Variants in GNAS observed in about 807,000 individuals in gnomAD.
The protein encoded by GNAS is GNAS complex locus.
Under a neutral mutation model 54.5 loss-of-function variants are expected in GNAS, and 8 were observed. That is an observed-to-expected ratio of 0.15 (90% confidence interval 0.09 to 0.26). The LOEUF (loss-of-function observed/expected upper bound fraction) is 0.26. Ranked by LOEUF, GNAS falls within the 10% of genes least tolerant of loss-of-function variation. The pLI is 1.00. For missense variants in GNAS, 170 were observed against 529.8 expected (o/e 0.32, Z 6.67); for synonymous variants, 204 against 191.4 (o/e 1.07, Z -0.54).
Position 58,909,541 on chromosome 20 carries a change from A to C in GNAS, c.680A>C (p.Gln227Pro). The change falls in exon 9 of 13, where the codon CAG becomes CCG. Residue 227 changes from glutamine (Q) to proline (P), a missense_variant. Coordinates refer to ENST00000371085, the MANE Select transcript of GNAS (RefSeq NM_000516.7). This position sits in a 1 kb window ranked among gnomAD's most constrained non-coding sequence, Gnocchi z 7.3. ...ACCAGCATGTTTGACGTGGGTGGCC[A>C]GCGCGATGAACGCCGCAAGTGGATC... ...VNFHMFDVGG[Q>P]RDERRKWIQC... is the part of the protein sequence containing the mutation. 1 of 1,614,182 alleles carries C rather than the reference A, an allele frequency of 6.2e-7. No homozygotes were observed. The highest frequency in any genetic ancestry group is 8.5e-7 in the Non-Finnish European group (1 of 1,180,008).
In GNAS at chr20:58,853,353, C is replaced by T. The variant is rs781095043; in HGVS notation, c.43+12467C>T. The T allele has an allele frequency of 1.2e-5, 19 of 1,552,232 alleles. No homozygotes were observed. Among genetic ancestry groups the T allele is most frequent in the Non-Finnish European group, 1.6e-5 (18 of 1,147,952 alleles). On this transcript the variant is annotated intron_variant, in intron 1 of 12. Transcript: ENST00000306090. This position sits in a 1 kb window ranked among gnomAD's most constrained non-coding sequence, Gnocchi z 4.4. The stretch of plus-strand genomic sequence containing the variant: ...AATCGGGGAACAGCCCGAGCAACCA[C>T]CTTTGGAGGCCCCAGGGGCAGCTGC...
At position 58,910,185 on chromosome 20, in the gene GNAS, A is replaced by T. The variant is rs779243425; in HGVS notation, c.970+104A>T. 2.9e-6 allele frequency: 4 copies of T among 1,372,362 alleles called. No individual in the cohort carries two copies. Among genetic ancestry groups the T allele is most frequent in the Non-Finnish European group, 4.2e-6 (4 of 959,750 alleles). The allele number at this position is 1,372,362 out of a possible 1,614,324, so 85.0% of individuals were successfully genotyped here. On this transcript the variant is annotated intron_variant, in intron 11 of 12. Transcript: ENST00000371085. This position sits in a 1 kb window ranked among gnomAD's most constrained non-coding sequence, Gnocchi z 5.8. ...CCCTCCCACCACCAAACCATAAAGG[A>T]TCTATAAGAGAAGCAAGAAAAACGC...
At position 58,910,491 on chromosome 20, in the gene GNAS, G is replaced by C; in HGVS notation, c.1038+90G>C. 2 of 1,189,226 alleles carry C rather than the reference G, an allele frequency of 1.7e-6. No individual in the cohort carries two copies. Among genetic ancestry groups the C allele is most frequent in the Non-Finnish European group, 2.5e-6 (2 of 797,348 alleles). 73.7% of individuals were successfully genotyped at this position (1,189,226 alleles called of 1,614,324 possible). A position where few individuals can be genotyped will look rare whatever the true frequency, so the allele number is the denominator to read the frequency against. On this transcript the variant is annotated intron_variant, in intron 12 of 12. Coordinates refer to ENST00000371085, the MANE Select transcript of GNAS (RefSeq NM_000516.7). This position sits in a 1 kb window ranked among gnomAD's most constrained non-coding sequence, Gnocchi z 5.8. ...ACTTAATTCCAAATTCAGGGGTTCA[G>C]CTACCCAGTTCCATGGTTTTAGTTC... is the stretch of plus-strand genomic sequence containing the variant.
At chr20:58,890,160 A>G (rs2089010142), upstream of GNAS, among the ~76,000 whole-genome samples, 4 of 151,910 alleles carry the variant, frequency 2.6e-5, no homozygotes, top group Admixed American at 2.0e-4. Context: ...GGAGGAGAAG[A>G]AGAAGGAGAA....
chr20:58,909,340 T>G lies in GNAS; in HGVS notation c.586-10T>G. The G allele has an allele frequency of 6.2e-7, 1 of 1,612,256 alleles. No individual in the cohort carries two copies. The highest frequency in any genetic ancestry group is 8.5e-7 in the Non-Finnish European group (1 of 1,178,270). ...TTTGGTGAGATCCATTGACCTCAAT[T>G]TTGTTTCAGGACCTGCTTCGCTGCC... On this transcript the variant is annotated splice_polypyrimidine_tract_variant and intron_variant, in intron 7 of 12. Transcript: ENST00000371085. This position sits in a 1 kb window ranked among gnomAD's most constrained non-coding sequence, Gnocchi z 7.3.
At chr20:58,868,470 C>A (rs1048095653) in intron 1 of GNAS, among the ~76,000 whole-genome samples, 108 of 151,326 alleles carry the variant, frequency 7.1e-4, no homozygotes, top group Non-Finnish European at 1.4e-3. Context: ...TTTTTTCTGG[C>A]CCTGCAATCT....
intron 3 of GNAS, 152 bp from the exon 4 acceptor site, chr20:58,903,379 A>G: frequency 1.3e-6 from 1 of 755,230 alleles, no homozygotes; most frequent in Non-Finnish European, 2.3e-6. Context: ...AACTATGTTT[A>G]TTCAGCTACC....
At position 58,909,586 on chromosome 20, in the gene GNAS, T is replaced by C. The variant is rs1277969063; in HGVS notation, c.718+7T>C. The C allele has an allele frequency of 6.8e-6, 11 of 1,614,102 alleles. No individual in the cohort carries two copies. The African/African-American group carries it at 1.2e-4, about 18-fold the overall frequency. ...TGGATCCAGTGCTTCAACGGTAGGA[T>C]GCTGTGGGCTTGGCTGTTCGTAAAG... On this transcript the variant is annotated splice_region_variant and intron_variant, in intron 9 of 12. Coordinates refer to ENST00000371085, the MANE Select transcript of GNAS (RefSeq NM_000516.7). The surrounding 1 kb of genome is among the most constrained non-coding windows in gnomAD (Gnocchi z 7.3).
In GNAS at chr20:58,895,579, C is replaced by G. The variant is rs768121907; in HGVS notation, c.140-33C>G. 10 of 1,388,466 alleles carry G rather than the reference C, an allele frequency of 7.2e-6. No individual in the cohort carries two copies. The East Asian group carries it at 2.3e-4, about 32-fold the overall frequency. The allele number at this position is 1,388,466 out of a possible 1,614,324, so 86.0% of individuals were successfully genotyped here. ...CCTGCCCAAAGTGTTAAAATGCCTC[C>G]TTCATAACCTGAGACTTACTTTCAT... is the stretch of plus-strand genomic sequence containing the variant. On this transcript the variant is annotated intron_variant, in intron 1 of 12. Coordinates refer to ENST00000371085, the MANE Select transcript of GNAS (RefSeq NM_000516.7).
At chr20:58,845,877 C>T (rs2085922894) in intron 1 of GNAS, among the ~76,000 whole-genome samples, 1 of 152,206 alleles carries the variant, frequency 6.6e-6, no homozygotes. Context: ...ACTCTGCCTG[C>T]AACTATTCCC....
intron 1 of GNAS, chr20:58,867,522 A>C (rs1162154814): frequency 6.6e-6 from 1 of 152,280 alleles, no homozygotes; most frequent in Admixed American, 6.5e-5. Flanking sequence ...CATAGGTCTG[A>C]TCTGATGGGG....
chr20:58,858,852 GCTT>G (rs1231991369), intron 1 of GNAS, among the ~76,000 whole-genome samples: 1 of 151,710 alleles, frequency 6.6e-6, no homozygotes, highest in Non-Finnish European at 1.5e-5. Flanking sequence ...CCTCCACTGA[GCTT>G]TTGGTGTGGT....
chr20:58,908,371 CCAA>C (rs2091221431), intron 6 of GNAS, among the ~76,000 whole-genome samples: 1 of 152,094 alleles, frequency 6.6e-6, no homozygotes, highest in Non-Finnish European at 1.5e-5. Flanking sequence ...ATTTCATGGA[CCAA>C]ACAGAACGGA....
chr20:58,865,341 C>T (rs905709991), intron 1 of GNAS, among the ~76,000 whole-genome samples: 2 of 151,068 alleles, frequency 1.3e-5, no homozygotes, highest in African/African-American at 2.4e-5. Context: ...TCGCTTGAAC[C>T]CGGGAGGCAG....
chr20:58,875,526 C>T (rs566785280), intron 1 of GNAS, among the ~76,000 whole-genome samples: 20 of 152,308 alleles, frequency 1.3e-4, no homozygotes, highest in South Asian at 8.3e-4. Context: ...AGTTCCAGCC[C>T]CATACCCTGT....
chr20:58,843,562 G>A (rs76864351), intron 1 of GNAS, among the ~76,000 whole-genome samples: 1,800 of 152,278 alleles, frequency 0.012, 35 homozygotes, highest in African/African-American at 0.04. Flanking sequence ...TCTGCGGGGT[G>A]AGGATAGGCT....
At chr20:58,870,386 G>T (rs918580594) in intron 1 of GNAS, among the ~76,000 whole-genome samples, 1 of 152,232 alleles carries the variant, frequency 6.6e-6, no homozygotes, top group Non-Finnish European at 1.5e-5. Flanking sequence ...CCTGTAGACC[G>T]TGGGGAACAG....
chr20:58,902,526 TAAACTC>T (rs990777615), intron 3 of GNAS, among the ~76,000 whole-genome samples: 1 of 151,956 alleles, frequency 6.6e-6, no homozygotes, highest in Non-Finnish European at 1.5e-5. Context: ...GTGGCTGAGT[TAAACTC>T]AAGGAAAAGC....
At chr20:58,850,699 C>T in intron 1 of GNAS, 1 of 398,962 alleles carries the variant, frequency 2.5e-6, no homozygotes, top group Non-Finnish European at 4.4e-6. Flanking sequence ...CTGGGTTAGC[C>T]TGCCGCCATC....
Sources: gnomAD v4.1 joint callset for allele counts (sites outside exome capture counted in the v4.1 genomes callset) on GRCh38, gnomAD v4.1.1 for gene constraint, Gnocchi (gnomAD v3.1) non-coding constraint, MANE v1.5 for transcripts, NCBI Gene and HGNC (gene_info 2026-07-23, HGNC 2026-07-21) for gene names.